Variants in NAA16 observed in about 807,000 individuals in gnomAD.
NAA16 encodes the protein N-alpha-acetyltransferase 16, NatA auxiliary subunit.
NAA16 carries 97 observed loss-of-function variants against 110.3 expected under a neutral mutation model. The observed-to-expected ratio is 0.88, with a 90% CI of 0.75 to 1.04. The LOEUF (loss-of-function observed/expected upper bound fraction) is 1.04. Ranked by LOEUF, NAA16 falls within the 50% of genes least tolerant of loss-of-function variation. The pLI is 0.00. For synonymous variants in NAA16, 372 were observed against 330.6 expected (o/e 1.13, Z -1.36); for missense variants, 1,017 against 1,005.1 (o/e 1.01, Z -0.16).
In NAA16 at chr13:41,342,130, CCTCT is replaced by C. The variant is rs542884744; in HGVS notation, c.1014+5385_1014+5388del. ...TACAGGCGTGAGCCACCGCACCGGG[CCTCT>C]CTCTCTCTCTTTTTTTTTTTTGAGA... is the stretch of plus-strand genomic sequence containing the variant. On this transcript the variant is annotated intron_variant, in intron 9 of 19. Transcript: ENST00000379406. Among the ~76,000 whole-genome samples the C allele has an allele frequency of 3.7e-3, 545 of 147,640 alleles. 3 individuals are homozygous for C. Among genetic ancestry groups the C allele is most frequent in the African/African-American group, 0.013 (521 of 40,120 alleles).
At position 41,324,009 on chromosome 13, in the gene NAA16, T is replaced by C. The variant is rs74885404; in HGVS notation, c.537+819T>C. ...TTTATGGATACTCTAGACTTGAGCT[T>C]CTTCCATCCTATTTCACTTACTCCT... On this transcript the variant is annotated intron_variant, in intron 5 of 19. Coordinates refer to ENST00000379406, the MANE Select transcript of NAA16 (RefSeq NM_024561.5). 8.1e-3 allele frequency among the ~76,000 whole-genome samples: 1,233 copies of C among 152,342 alleles called. 17 individuals carry two copies. The highest frequency in any genetic ancestry group is 0.028 in the African/African-American group (1,171 of 41,572).
rs113504763 is a variant in NAA16 at position 41,319,533 on chromosome 13, G to T, written c.244+623G>T. ...AAAAAAAATTTTTTTTTGTTTTTTG[G>T]GGGGAGGGAGTCTCACTCTGTCACC... On this transcript the variant is annotated intron_variant, in intron 3 of 19. Coordinates refer to ENST00000379406, the MANE Select transcript of NAA16 (RefSeq NM_024561.5). Among the ~76,000 whole-genome samples the T allele has an allele frequency of 1.1e-3, 168 of 151,512 alleles. 1 individual carries two copies. The highest frequency in any genetic ancestry group is 3.7e-3 in the African/African-American group (154 of 41,308).
intron 9 of NAA16, among the ~76,000 whole-genome samples, chr13:41,339,994 A>C (rs2042492907): frequency 6.6e-6 from 1 of 152,198 alleles, no homozygotes; most frequent in South Asian, 2.1e-4. Flanking sequence ...TTTAATGTTG[A>C]AATAGAATCT....
chr13:41,331,416 C>G (rs1425469871), intron 8 of NAA16, 47 bp downstream of exon 8: 1 of 1,301,536 alleles, frequency 7.7e-7, no homozygotes, highest in East Asian at 2.4e-5. Context: ...GTCAGAATTA[C>G]TCAATGTTAT....
chr13:41,342,141 CTCT>C (rs1453265122), intron 9 of NAA16, among the ~76,000 whole-genome samples: 4 of 148,534 alleles, frequency 2.7e-5, no homozygotes, highest in African/African-American at 1.0e-4. Context: ...CTCTCTCTCT[CTCT>C]TTTTTTTTTT....
In NAA16 at chr13:41,373,786, T is replaced by A; in HGVS notation, c.2299+6T>A. The A allele has an allele frequency of 6.3e-7, 1 of 1,588,938 alleles. No homozygotes were observed. ...TCTTCAGCATCTACTTTCAGGTTTG[T>A]TTGTAGCCCCCAGGGTTAAAATACT... On this transcript the variant is annotated splice_donor_region_variant and intron_variant, in intron 18 of 19. Transcript: ENST00000379406.
intron 15 of NAA16, among the ~76,000 whole-genome samples, chr13:41,371,648 C>A (rs1394846906): frequency 6.6e-6 from 1 of 152,142 alleles, no homozygotes; most frequent in Non-Finnish European, 1.5e-5. Context: ...ATACATGTAA[C>A]ATACACAATA....
intron 9 of NAA16, among the ~76,000 whole-genome samples, chr13:41,342,115 A>T (rs1334191577): frequency 6.9e-6 from 1 of 145,912 alleles, no homozygotes; most frequent in Non-Finnish European, 1.5e-5. Context: ...TACAGGCGTG[A>T]GCCACCGCAC....
intron 9 of NAA16, among the ~76,000 whole-genome samples, chr13:41,353,197 G>A (rs1329524562): frequency 6.6e-6 from 1 of 152,112 alleles, no homozygotes; most frequent in Non-Finnish European, 1.5e-5. Flanking sequence ...ACCTCTGGTT[G>A]CAGTTTTAGC....
chr13:41,312,450 G>A (rs2041645265), intron 1 of NAA16, among the ~76,000 whole-genome samples: 1 of 152,100 alleles, frequency 6.6e-6, no homozygotes, highest in African/African-American at 2.4e-5. Flanking sequence ...TTCTTCCAAG[G>A]AGAAGAGGCA....
Position 41,341,245 on chromosome 13 carries a change from T to C in NAA16, c.1014+4489T>C, listed in dbSNP as rs1355531705. ...TATATAGCATAGAGATTTCAGTATC[T>C]TTCATGCTTTACTGAAATAGTATCA... On this transcript the variant is annotated intron_variant, in intron 9 of 19. Transcript: ENST00000379406. Among the ~76,000 whole-genome samples, 9 of 152,216 alleles carry C rather than the reference T, an allele frequency of 5.9e-5. No individual in the cohort carries two copies. The East Asian group carries it at 1.5e-3, about 26-fold the overall frequency.
chr13:41,355,285 T>C (rs747040664), intron 10 of NAA16, 69 bp downstream of exon 10: 27 of 938,908 alleles, frequency 2.9e-5, no homozygotes, highest in Non-Finnish European at 4.1e-5. Flanking sequence ...AATGCTCTTT[T>C]ATGTATATTA....
intron 9 of NAA16, among the ~76,000 whole-genome samples, chr13:41,343,216 C>T (rs1167104755): frequency 1.3e-5 from 2 of 151,350 alleles, no homozygotes; most frequent in East Asian, 2.0e-4. Flanking sequence ...GTGATCCTTC[C>T]GTCTCAGCCT....
At chr13:41,342,055 A>G (rs184958416) in intron 9 of NAA16, among the ~76,000 whole-genome samples, 357 of 149,840 alleles carry the variant, frequency 2.4e-3, no homozygotes, top group Middle Eastern at 6.9e-3. Context: ...GATGGTCTCG[A>G]TCTCCTGACC....
chr13:41,339,631 C>T (rs1413326709), intron 9 of NAA16, among the ~76,000 whole-genome samples: 1 of 152,072 alleles, frequency 6.6e-6, no homozygotes, highest in Non-Finnish European at 1.5e-5. Context: ...AATCTCGGCT[C>T]ACTGCAACCT....
In NAA16 at chr13:41,362,106, CA is replaced by C; in HGVS notation, c.1487del (p.Gln496ArgfsTer10). 1 of 1,609,458 alleles carries C rather than the reference CA, an allele frequency of 6.2e-7. No homozygotes were observed. Among genetic ancestry groups the C allele is most frequent in the Non-Finnish European group, 8.5e-7 (1 of 1,178,408 alleles). On this transcript the variant is annotated frameshift_variant, in exon 13 of 20. Coordinates refer to ENST00000379406, the MANE Select transcript of NAA16 (RefSeq NM_024561.5). LOFTEE classifies it high-confidence loss of function. ...TCAGACAGAATGCATTTCAGCTTATCAGCGTCTGGGGAGATACGGGGATGCC... is the reference window on the plus strand; with the variant it reads ...TCAGACAGAATGCATTTCAGCTTATCGCGTCTGGGGAGATACGGGGATGCC... ...WFQTECISAY[Q>X]RLGRYGDALK...
intron 9 of NAA16, among the ~76,000 whole-genome samples, chr13:41,350,442 C>T (rs531421456): frequency 6.6e-6 from 1 of 151,518 alleles, no homozygotes; most frequent in South Asian, 2.1e-4. Context: ...TACAGGCGCC[C>T]GCCACCATAC....
chr13:41,338,174 A>T (rs948869103), intron 9 of NAA16, among the ~76,000 whole-genome samples: 11 of 152,198 alleles, frequency 7.2e-5, no homozygotes, highest in African/African-American at 2.7e-4. Flanking sequence ...GAAAGGTTAG[A>T]TGAAATGCCA....
chr13:41,325,057 A>C (rs2042055923), intron 5 of NAA16, among the ~76,000 whole-genome samples: 1 of 142,860 alleles, frequency 7.0e-6, no homozygotes, highest in Admixed American at 7.4e-5. Flanking sequence ...TTCCGGGCTT[A>C]AGCGATTCTT....
Sources: allele counts gnomAD v4.1 joint callset (sites outside exome capture counted in the v4.1 genomes callset), GRCh38; gene constraint gnomAD v4.1.1; transcripts MANE v1.5; gene names NCBI Gene and HGNC (gene_info 2026-07-23, HGNC 2026-07-21).